Variants in ZMIZ1 observed in about 807,000 individuals in gnomAD.
The protein encoded by ZMIZ1 is zinc finger MIZ domain-containing protein 1.
A neutral mutation model predicts 113.9 loss-of-function variants in ZMIZ1; 17 were observed. The ratio of observed to expected loss-of-function variants is 0.15; its 90% CI spans 0.10 to 0.22. The LOEUF is 0.22. Among genes scored for constraint, ZMIZ1 ranks in the 10% least tolerant of loss-of-function variants. The probability of loss-of-function intolerance (pLI) is 1.00; values close to 1 mark genes in which losing one functional copy is unlikely to be tolerated. For synonymous variants in ZMIZ1, 607 were observed against 603.1 expected (o/e 1.01, Z -0.09); for missense variants, 1,059 against 1,477.8 (o/e 0.72, Z 4.65).
intron 7 of ZMIZ1, among the ~76,000 whole-genome samples, chr10:79,243,347 T>C (rs1228520849): frequency 2.0e-5 from 3 of 149,452 alleles, no homozygotes; most frequent in Non-Finnish European, 4.5e-5. Context: ...GGCTGCCTCC[T>C]CGGCGGCGGC....
chr10:79,310,551 G>A lies in ZMIZ1; in HGVS notation c.2836-373G>A, dbSNP rs115830608. Among the ~76,000 whole-genome samples, 680 of 152,120 alleles carry A rather than the reference G, an allele frequency of 4.5e-3. 1 individual carries two copies. The highest frequency in any genetic ancestry group is 0.015 in the African/African-American group (626 of 41,488). ...GCCGCCCTCCTGCCTCCCGCTCCCCGGAACATGCCCATTCTGCTTCTCCAT... is the reference window on the plus strand; with the variant it reads ...GCCGCCCTCCTGCCTCCCGCTCCCCAGAACATGCCCATTCTGCTTCTCCAT... On this transcript the variant is annotated intron_variant, in intron 23 of 24. Transcript: ENST00000334512.
chr10:79,072,816 C>T (rs1013961339), intron 1 of ZMIZ1, among the ~76,000 whole-genome samples: 1 of 152,218 alleles, frequency 6.6e-6, no homozygotes, highest in South Asian at 2.1e-4. Context: ...CAGGCTGCCA[C>T]GATTACCCAG....
intron 1 of ZMIZ1, among the ~76,000 whole-genome samples, chr10:79,116,391 G>T (rs1434977318): frequency 1.3e-5 from 2 of 152,132 alleles, no homozygotes; most frequent in African/African-American, 4.8e-5. Flanking sequence ...ACACTCTGGG[G>T]AAGACCCAGC....
At chr10:79,197,611 T>TATAC (rs1847890511) in intron 4 of ZMIZ1, among the ~76,000 whole-genome samples, 1 of 89,994 alleles carries the variant, frequency 1.1e-5, no homozygotes, top group African/African-American at 3.5e-5. Flanking sequence ...CACACACACA[T>TATAC]ACACACACAC....
chr10:79,113,796 C>G (rs1409463197), intron 1 of ZMIZ1, among the ~76,000 whole-genome samples: 1 of 152,016 alleles, frequency 6.6e-6, no homozygotes, highest in Non-Finnish European at 1.5e-5. Flanking sequence ...TCTGAGCCCC[C>G]TCTCCATTGA....
At chr10:79,261,422 T>TG (rs1198009499) in intron 7 of ZMIZ1, among the ~76,000 whole-genome samples, 1 of 152,190 alleles carries the variant, frequency 6.6e-6, no homozygotes, top group Non-Finnish European at 1.5e-5. Flanking sequence ...GGGAGAGAGC[T>TG]GCGTGCTGAT....
chr10:79,142,701 G>A (rs554639360), intron 3 of ZMIZ1, among the ~76,000 whole-genome samples: 11 of 152,324 alleles, frequency 7.2e-5, no homozygotes, highest in East Asian at 3.9e-4. Flanking sequence ...GGCCCTCCCC[G>A]TCACCCTGGC....
intron 7 of ZMIZ1, among the ~76,000 whole-genome samples, chr10:79,247,942 G>A (rs1014180407): frequency 6.6e-6 from 1 of 152,220 alleles, no homozygotes; most frequent in Non-Finnish European, 1.5e-5. Context: ...CCCTCTGGGG[G>A]CCTGAGTGTC....
intron 8 of ZMIZ1, among the ~76,000 whole-genome samples, chr10:79,280,803 C>T (rs756827031): frequency 6.6e-6 from 1 of 152,176 alleles, no homozygotes; most frequent in Non-Finnish European, 1.5e-5. Context: ...CAAAACCTGC[C>T]TCCACCTCCC....
intron 1 of ZMIZ1, among the ~76,000 whole-genome samples, chr10:79,093,293 AT>A (rs1197994532): frequency 2.6e-4 from 1 of 3,886 alleles, no homozygotes; most frequent in Non-Finnish European, 7.9e-4. Flanking sequence ...GTTTTATTTT[AT>A]TTATTTATTT....
At chr10:79,197,924 G>A (rs1043555262) in intron 4 of ZMIZ1, among the ~76,000 whole-genome samples, 9 of 151,992 alleles carry the variant, frequency 5.9e-5, no homozygotes, top group Admixed American at 1.3e-4. Flanking sequence ...ATCTCCGCAC[G>A]CCCAACCCAT....
In ZMIZ1 at chr10:79,314,343, C is replaced by T; in HGVS notation, c.*1594C>T. On this transcript the variant is annotated 3_prime_UTR_variant, in exon 25 of 25. Coordinates refer to ENST00000334512, the MANE Select transcript of ZMIZ1 (RefSeq NM_020338.4). ...CTGCCTGGGGCCCTTTCCTGCTCTC[C>T]CGTCCGCTGTGGGTGGTCCCCAGCT... 2.3e-6 allele frequency: 1 copy of T among 437,178 alleles called. No individual in the cohort carries two copies. The highest frequency in any genetic ancestry group is 4.6e-6 in the Non-Finnish European group (1 of 215,846). The allele number at this position is 437,178 out of a possible 1,614,324, so 27.1% of individuals were successfully genotyped here.
chr10:79,302,190 C>G lies in ZMIZ1; in HGVS notation c.2103C>G (p.Pro701=), dbSNP rs375077934. The change falls in exon 18 of 25, where the codon CCC becomes CCG. Residue 701 remains proline (P), a synonymous_variant. Coordinates refer to ENST00000334512, the MANE Select transcript of ZMIZ1 (RefSeq NM_020338.4). Reference sequence around the variant, plus strand: ...GACTCCTCAAGAAGCGCCTCCTGCCCGCAGAGCACTGTATCACGAAAAGTG... The same window carrying G: ...GACTCCTCAAGAAGCGCCTCCTGCCGGCAGAGCACTGTATCACGAAAAGTG... The part of the protein sequence containing the change: ...LQGLLKKRLL[P]AEHCITKIKR... The G allele has an allele frequency of 6.2e-7, 1 of 1,613,754 alleles. No individual in the cohort carries two copies. The highest frequency in any genetic ancestry group is 1.1e-5 in the South Asian group (1 of 91,082).
chr10:79,293,241 C>A, intron 11 of ZMIZ1, 140 bp from the exon 12 acceptor site: 2 of 1,074,644 alleles, frequency 1.9e-6, no homozygotes, highest in Non-Finnish European at 2.5e-6. Flanking sequence ...CCTGGTTGGT[C>A]ACCAGTCACT....
intron 4 of ZMIZ1, among the ~76,000 whole-genome samples, chr10:79,167,675 G>A (rs11002857): frequency 6.6e-6 from 1 of 152,042 alleles, no homozygotes; most frequent in East Asian, 1.9e-4. Flanking sequence ...ACTTCATGCC[G>A]AAACAGCCCC....
rs573619726 is a variant in ZMIZ1, at chr10:79,172,500, C to T, written c.-50+10367C>T. Among the ~76,000 whole-genome samples the T allele has an allele frequency of 3.9e-5, 6 of 152,274 alleles. No individual in the cohort carries two copies. The South Asian group carries it at 1.0e-3, about 26-fold the overall frequency. ...TCATTTATTTGATCCCAGTGACACC[C>T]TATAAGGTAGGGACCAGTATCATCT... On this transcript the variant is annotated intron_variant, in intron 4 of 24. Transcript: ENST00000334512.
intron 1 of ZMIZ1, among the ~76,000 whole-genome samples, chr10:79,097,365 C>T (rs1843204604): frequency 6.6e-6 from 1 of 152,212 alleles, no homozygotes; most frequent in Non-Finnish European, 1.5e-5. Context: ...AGTGACCATC[C>T]TGCTGTCATA....
chr10:79,128,173 C>T (rs572969147), intron 2 of ZMIZ1, among the ~76,000 whole-genome samples: 10 of 152,274 alleles, frequency 6.6e-5, no homozygotes, highest in African/African-American at 2.4e-4. Context: ...GGGTGCAGTA[C>T]CTGTCCAGGT....
At chr10:79,148,367 G>T (rs926743399) in intron 3 of ZMIZ1, among the ~76,000 whole-genome samples, 2 of 152,184 alleles carry the variant, frequency 1.3e-5, no homozygotes, top group Non-Finnish European at 2.9e-5. Flanking sequence ...GGAAGCTTAG[G>T]CGTACTTCCC....
Sources: allele counts gnomAD v4.1 joint callset (sites outside exome capture counted in the v4.1 genomes callset), GRCh38; gene constraint gnomAD v4.1.1; transcripts MANE v1.5; gene names NCBI Gene and HGNC (gene_info 2026-07-23, HGNC 2026-07-21).